The following RSF1 variants were observed in gnomAD, a reference collection of about 807,000 sequenced individuals.
RSF1 encodes the protein remodeling and spacing factor 1, also known as HBV pX-associated protein 8.
Under a neutral mutation model 145.2 loss-of-function variants are expected in RSF1, and 13 were observed. The ratio of observed to expected loss-of-function variants is 0.09; its 90% CI spans 0.06 to 0.14. The LOEUF is 0.14. Among genes scored for constraint, RSF1 ranks in the 10% least tolerant of loss-of-function variants. The pLI, the probability that RSF1 is intolerant of heterozygous loss-of-function variation, is 1.00. For synonymous variants in RSF1, 577 were observed against 592.6 expected, an observed-to-expected ratio of 0.97 and a Z score of 0.38; for missense variants, 1,517 against 1,718.2, an observed-to-expected ratio of 0.88 and a Z score of 2.07.
At chr11:77,671,139 ATAT>A (rs1453348686) in intron 15 of RSF1, among the ~76,000 whole-genome samples, 30 of 7,238 alleles carry the variant, frequency 4.1e-3, no homozygotes, top group Admixed American at 4.8e-3. Context: ...AAAAAAAAAA[ATAT>A]ATATATATAT....
the RSF1 span, among the ~76,000 whole-genome samples, chr11:77,838,284 T>C: frequency 6.6e-6 from 1 of 152,168 alleles, no homozygotes; most frequent in Non-Finnish European, 1.5e-5. Context: ...CAAATACTAA[T>C]CTAAGTGTTG....
At chr11:77,806,710 A>G (rs922893740) in intron 1 of RSF1, among the ~76,000 whole-genome samples, 2 of 152,064 alleles carry the variant, frequency 1.3e-5, no homozygotes, top group African/African-American at 4.8e-5. Flanking sequence ...AAAGGAAGAA[A>G]TGAAAGACCA....
At chr11:77,729,560 AAAAT>A (rs1016760035) in intron 4 of RSF1, among the ~76,000 whole-genome samples, 39 of 151,986 alleles carry the variant, frequency 2.6e-4, no homozygotes, top group African/African-American at 9.2e-4. Flanking sequence ...AAAAATAACA[AAAAT>A]AAACAGACGC....
chr11:77,675,304 A>T (rs1457865581), intron 13 of RSF1, 48 bp from the exon 14 acceptor site: 2 of 1,484,362 alleles, frequency 1.3e-6, no homozygotes, highest in Non-Finnish European at 1.8e-6. Context: ...AGAAGAGTGA[A>T]CCCATTTTTA....
chr11:77,818,013 C>G (rs947627462), intron 1 of RSF1, among the ~76,000 whole-genome samples: 1 of 152,156 alleles, frequency 6.6e-6, no homozygotes, highest in Admixed American at 6.5e-5. Flanking sequence ...TCTCATTTGC[C>G]AAGTGTTCTG....
At chr11:77,828,433 C>T in the RSF1 span, among the ~76,000 whole-genome samples, 15 of 151,718 alleles carry the variant, frequency 9.9e-5, no homozygotes, top group Non-Finnish European at 1.8e-4. Flanking sequence ...TTTGGGAGGC[C>T]GAGGCAGATG....
At chr11:77,682,006 T>C (rs956718108) in intron 11 of RSF1, among the ~76,000 whole-genome samples, 2 of 152,230 alleles carry the variant, frequency 1.3e-5, no homozygotes, top group African/African-American at 4.8e-5. Context: ...ATAATCTCTA[T>C]GGTTTTTCCT....
chr11:77,704,943 G>T (rs1209274994), intron 5 of RSF1, among the ~76,000 whole-genome samples: 1 of 151,932 alleles, frequency 6.6e-6, no homozygotes, highest in Non-Finnish European at 1.5e-5. Context: ...TAGAGGCGGG[G>T]TTTCTCCATG....
At chr11:77,844,158 A>G in the RSF1 span, among the ~76,000 whole-genome samples, 9 of 152,144 alleles carry the variant, frequency 5.9e-5, no homozygotes, top group African/African-American at 1.7e-4. Flanking sequence ...ATCCTTACAT[A>G]GTGGAAAGAG....
intron 5 of RSF1, chr11:77,702,788 T>C (rs900228788): frequency 9.1e-6 from 2 of 219,098 alleles, no homozygotes; most frequent in African/African-American, 4.5e-5. Context: ...AAATAATTTA[T>C]TCAAATTCAA....
chr11:77,746,656 G>T (rs1268095095), intron 3 of RSF1, among the ~76,000 whole-genome samples: 1 of 152,140 alleles, frequency 6.6e-6, no homozygotes, highest in Non-Finnish European at 1.5e-5. Flanking sequence ...TTATGTGAGG[G>T]TTTTAAGTAC....
chr11:77,716,198 T>C (rs577973735), intron 5 of RSF1, among the ~76,000 whole-genome samples: 11 of 151,670 alleles, frequency 7.3e-5, no homozygotes, highest in Non-Finnish European at 1.3e-4. Context: ...TACAGCCATA[T>C]AGGAAACAGT....
intron 1 of RSF1, among the ~76,000 whole-genome samples, chr11:77,767,223 A>T (rs1268874867): frequency 6.6e-6 from 1 of 152,052 alleles, no homozygotes; most frequent in African/African-American, 2.4e-5. Flanking sequence ...CACTTTCTTC[A>T]ATTTCTCCTT....
intron 1 of RSF1, among the ~76,000 whole-genome samples, chr11:77,796,672 C>T (rs185652865): frequency 6.6e-6 from 1 of 152,096 alleles, no homozygotes; most frequent in African/African-American, 2.4e-5. Context: ...AATCAGGCAA[C>T]AGAAAGAAAG....
rs1206437711 is a variant in RSF1, at chr11:77,662,909, A to G, written c.*4008T>C. ...TGTTGTCTAGATTTTCTGTAATTAAATGATGTTCATAATATTTGTATCTGT... is the reference window on the plus strand; with the variant it reads ...TGTTGTCTAGATTTTCTGTAATTAAGTGATGTTCATAATATTTGTATCTGT... On this transcript the variant is annotated 3_prime_UTR_variant, in exon 16 of 16. Coordinates refer to ENST00000308488, the MANE Select transcript of RSF1 (RefSeq NM_016578.4). The G allele has an allele frequency of 6.6e-6, 1 of 152,224 alleles. No individual in the cohort carries two copies. Among genetic ancestry groups the G allele is most frequent in the Non-Finnish European group, 1.5e-5 (1 of 68,030 alleles). 9.4% of individuals were successfully genotyped at this position (152,224 alleles called of 1,614,324 possible).
chr11:77,763,302 A>T (rs2508186), intron 2 of RSF1: 1 of 150,976 alleles, frequency 6.6e-6, no homozygotes, highest in African/African-American at 2.4e-5. Context: ...AGACAGCACC[A>T]CTGCACTCTA....
intron 5 of RSF1, among the ~76,000 whole-genome samples, chr11:77,720,260 G>A (rs996701159): frequency 1.3e-5 from 2 of 152,148 alleles, no homozygotes; most frequent in Non-Finnish European, 2.9e-5. Flanking sequence ...AGGCAGAAGT[G>A]CATGACTGTA....
intron 5 of RSF1, among the ~76,000 whole-genome samples, chr11:77,715,914 C>T (rs993533258): frequency 2.0e-5 from 3 of 152,172 alleles, no homozygotes; most frequent in East Asian, 1.9e-4. Flanking sequence ...GGACCAAAGG[C>T]GTGCAACACC....
intron 5 of RSF1, chr11:77,718,135 C>G (rs534196552): frequency 6.6e-6 from 1 of 152,112 alleles, no homozygotes; most frequent in African/African-American, 2.4e-5. Context: ...GGAGAAACCC[C>G]GTCTCTACTA....
Sources: allele counts gnomAD v4.1 joint callset (sites outside exome capture counted in the v4.1 genomes callset), GRCh38; gene constraint gnomAD v4.1.1; transcripts MANE v1.5; gene names NCBI Gene and HGNC (gene_info 2026-07-23, HGNC 2026-07-21).